WDR20: variants seen among roughly 807,000 people sequenced by gnomAD.
WDR20 encodes WD repeat-containing protein 20.
In WDR20, 3 loss-of-function variants were observed where a neutral mutation model predicts 38.7. The ratio of observed to expected loss-of-function variants is 0.08; its 90% confidence interval spans 0.04 to 0.20. WDR20 has a LOEUF of 0.20. WDR20 is among the 10% of genes least tolerant of loss of function. The pLI, the probability that WDR20 is intolerant of heterozygous loss-of-function variation, is 1.00. For synonymous variants in WDR20, 298 were observed against 285.6 expected, an observed-to-expected ratio of 1.04 and a Z score of -0.44; for missense variants, 559 against 727.7, an observed-to-expected ratio of 0.77 and a Z score of 2.67.
At chr14:102,224,523 A>G (rs2064165434), downstream of WDR20, 2 of 450,322 alleles carry the variant, frequency 4.4e-6, no homozygotes. Context: ...TTATTTTGTG[A>G]GACTTTAAAC....
In WDR20 at chr14:102,178,493, C is replaced by T. The variant is rs999157486; in HGVS notation, c.250-16445C>T. On this transcript the variant is annotated intron_variant, in intron 1 of 2. Transcript: ENST00000342702. ...TGTGCACCTCTTCTCCCTCTCTTCCCTTACACCAGTGGTTCTCTTAGGCGT... is the reference window on the plus strand; with the variant it reads ...TGTGCACCTCTTCTCCCTCTCTTCCTTTACACCAGTGGTTCTCTTAGGCGT... Among the ~76,000 whole-genome samples the T allele has an allele frequency of 2.0e-5, 3 of 152,142 alleles. No homozygotes were observed. The South Asian group carries it at 6.2e-4, about 32-fold the overall frequency.
chr14:102,145,764 C>T (rs1473813821), intron 1 of WDR20, among the ~76,000 whole-genome samples: 1 of 101,182 alleles, frequency 9.9e-6, no homozygotes, highest in African/African-American at 2.6e-5. Context: ...GAGTGAGAGC[C>T]TGTTTCAAAA....
At chr14:102,167,097 A>G (rs1443910803) in intron 1 of WDR20, among the ~76,000 whole-genome samples, 1 of 152,130 alleles carries the variant, frequency 6.6e-6, no homozygotes, top group African/African-American at 2.4e-5. Context: ...CCTGCATGAA[A>G]CTACCCCTTG....
In WDR20 at chr14:102,221,452, A is replaced by G. The variant is rs1321251231; in HGVS notation, c.1693-1378A>G. Among the ~76,000 whole-genome samples the G allele has an allele frequency of 6.6e-6, 1 of 152,112 alleles. No individual in the cohort carries two copies. Among genetic ancestry groups the G allele is most frequent in the Non-Finnish European group, 1.5e-5 (1 of 68,012 alleles). On this transcript the variant is annotated intron_variant, in intron 3 of 3. Transcript: ENST00000335263. This position sits in a 1 kb window ranked among gnomAD's most constrained non-coding sequence, Gnocchi z 4.8. ...GTCTGCGGCAGAAGTGGGGTCAGGA[A>G]CCTGCTGCCCAGCTTTCCTCCACAG...
At chr14:102,199,338 G>A (rs997507340) in intron 2 of WDR20, among the ~76,000 whole-genome samples, 5 of 152,180 alleles carry the variant, frequency 3.3e-5, no homozygotes, top group Middle Eastern at 3.4e-3. Flanking sequence ...GCGAGCCTTG[G>A]TGGATGCTCA....
At chr14:102,192,805 A>G (rs1339287835) in intron 1 of WDR20, among the ~76,000 whole-genome samples, 4 of 152,086 alleles carry the variant, frequency 2.6e-5, no homozygotes, top group Non-Finnish European at 4.4e-5. Context: ...TTCAGGGGAA[A>G]GTTCCCTAAG....
intron 1 of WDR20, among the ~76,000 whole-genome samples, chr14:102,145,130 T>C (rs190730314): frequency 2.6e-5 from 4 of 152,326 alleles, no homozygotes; most frequent in Admixed American, 2.6e-4. Context: ...CAATGCACAG[T>C]GCAGTGTCCA....
chr14:102,141,556 CT>C (rs1339334692), intron 1 of WDR20, among the ~76,000 whole-genome samples: 1 of 152,196 alleles, frequency 6.6e-6, no homozygotes, highest in African/African-American at 2.4e-5. Context: ...TGAAGTTTTA[CT>C]CCTACTCCCA....
At chr14:102,174,642 A>G (rs979639163) in intron 1 of WDR20, among the ~76,000 whole-genome samples, 1 of 151,744 alleles carries the variant, frequency 6.6e-6, no homozygotes, top group African/African-American at 2.4e-5. Flanking sequence ...GATGATCTCG[A>G]TCTCCTGACC....
At chr14:102,142,174 A>G (rs1276513322) in intron 1 of WDR20, among the ~76,000 whole-genome samples, 1 of 152,212 alleles carries the variant, frequency 6.6e-6, no homozygotes, top group Non-Finnish European at 1.5e-5. Flanking sequence ...GAGTGTTTTA[A>G]CGCTTTTTGG....
At position 102,208,593 on chromosome 14, in the gene WDR20, G is replaced by C. The variant is rs1262280419; in HGVS notation, c.433-10G>C. On this transcript the variant is annotated splice_polypyrimidine_tract_variant and intron_variant, in intron 2 of 2. Transcript: ENST00000342702. This position sits in a 1 kb window ranked among gnomAD's most constrained non-coding sequence, Gnocchi z 5.6. ...CCGTTGTGCTAACTTGTTCTCCTTT[G>C]TCTTCACAGAGACTAATAGACAAGT... The C allele has an allele frequency of 1.9e-6, 3 of 1,590,942 alleles. No homozygotes were observed. Among genetic ancestry groups the C allele is most frequent in the Non-Finnish European group, 2.6e-6 (3 of 1,164,436 alleles).
intron 1 of WDR20, among the ~76,000 whole-genome samples, chr14:102,192,537 C>T (rs1430585515): frequency 2.6e-5 from 4 of 152,130 alleles, no homozygotes. Flanking sequence ...ATGCTTCCAT[C>T]TTTTCAGTAA....
chr14:102,215,616 C>T (rs1022977053), downstream of WDR20, among the ~76,000 whole-genome samples: 1 of 152,194 alleles, frequency 6.6e-6, no homozygotes, highest in African/African-American at 2.4e-5. Context: ...TGCTCTCCCT[C>T]CCCTTGCCCC....
intron 1 of WDR20, among the ~76,000 whole-genome samples, chr14:102,145,953 T>C (rs1355958972): frequency 6.6e-6 from 1 of 151,912 alleles, no homozygotes; most frequent in Non-Finnish European, 1.5e-5. Flanking sequence ...CTAAGGTTTT[T>C]CCATCTCTAA....
chr14:102,202,449 G>A (rs1230874830), intron 2 of WDR20, among the ~76,000 whole-genome samples: 9 of 143,670 alleles, frequency 6.3e-5, no homozygotes, highest in African/African-American at 1.6e-4. Flanking sequence ...GTGCGATCTC[G>A]GCTCACTGCA....
intron 2 of WDR20, among the ~76,000 whole-genome samples, chr14:102,206,949 G>A (rs190123161): frequency 6.6e-6 from 1 of 152,196 alleles, no homozygotes; most frequent in Non-Finnish European, 1.5e-5. Flanking sequence ...AAAATTGCAC[G>A]AAGGTCTAAT....
At chr14:102,215,006 TGTAGATAATTTTCA>T (rs2063042455), downstream of WDR20, 1 of 983,674 alleles carries the variant, frequency 1.0e-6, no homozygotes, top group African/African-American at 1.7e-5. Context: ...GAACTGTAAA[TGTAGATAATTTTCA>T]GTAGTCATTT....
chr14:102,215,271 C>T (rs1471284363), downstream of WDR20, among the ~76,000 whole-genome samples: 1 of 152,156 alleles, frequency 6.6e-6, no homozygotes, highest in Non-Finnish European at 1.5e-5. Context: ...TGTTGATTGG[C>T]GTTTCGGCTG....
chr14:102,170,982 C>T (rs189665754), intron 1 of WDR20, among the ~76,000 whole-genome samples: 83 of 151,788 alleles, frequency 5.5e-4, no homozygotes, highest in African/African-American at 2.0e-3. Flanking sequence ...TATTTTTTGA[C>T]ATGGAGTCTA....
Sources: gnomAD v4.1 joint callset for allele counts (sites outside exome capture counted in the v4.1 genomes callset) on GRCh38, gnomAD v4.1.1 for gene constraint, Gnocchi (gnomAD v3.1) non-coding constraint, MANE v1.5 for transcripts, NCBI Gene and HGNC (gene_info 2026-07-23, HGNC 2026-07-21) for gene names.